The following PCNX1 variants were observed in gnomAD, a reference collection of about 807,000 sequenced individuals.
PCNX1 encodes the protein pecanex-like protein 1.
A neutral mutation model predicts 242.2 loss-of-function variants in PCNX1; 78 were observed. The ratio of observed to expected loss-of-function variants is 0.32; its 90% CI spans 0.27 to 0.39. The LOEUF (loss-of-function observed/expected upper bound fraction) is 0.39, where lower values mean the gene tolerates loss of function less well. Among genes scored for constraint, PCNX1 ranks in the 10% least tolerant of loss-of-function variants. The pLI is 1.00. For missense variants in PCNX1, 2,581 were observed against 2,856.5 expected (o/e 0.90, Z 2.20); for synonymous variants, 1,024 against 1,032.9 (o/e 0.99, Z 0.17).
Position 71,046,967 on chromosome 14 carries a change from C to A in PCNX1, c.4022C>A (p.Ala1341Glu), listed in dbSNP as rs2060878796. Residue 1341 changes from alanine to glutamate, a missense_variant, in exon 21 of 36, where the codon GCA becomes GAA. Physicochemically the swap from Ala to Glu is moderately radical, Grantham distance 107. Around this residue, in one of 9 missense-constraint regions of PCNX1, gnomAD observed 432 missense variants for 443.1 expected, o/e 0.97. Coordinates refer to ENST00000304743, the MANE Select transcript of PCNX1 (RefSeq NM_014982.3). ...LEYNQYEVRN[A>E]ATMMWFEKLH... ...TTGATTTATACTGCCTTGTTAGATGCAGCCACTATGATGTGGTTTGAGAAA... is the reference window on the plus strand; with the variant it reads ...TTGATTTATACTGCCTTGTTAGATGAAGCCACTATGATGTGGTTTGAGAAA... 1.9e-6 allele frequency: 3 copies of A among 1,605,164 alleles called. No individual in the cohort carries two copies. The highest frequency in any genetic ancestry group is 1.7e-6 in the Non-Finnish European group (2 of 1,175,640).
At chr14:71,085,805 G>C in intron 28 of PCNX1, 1 of 365,050 alleles carries the variant, frequency 2.7e-6, no homozygotes, top group South Asian at 2.7e-5. Flanking sequence ...ATCCTTAGGA[G>C]CCACACAGGT....
chr14:71,096,350 G>A (rs1046889017), intron 30 of PCNX1, among the ~76,000 whole-genome samples: 6 of 152,108 alleles, frequency 3.9e-5, no homozygotes, highest in Admixed American at 2.0e-4. Context: ...GCATGGGGGC[G>A]TGTGCCTGTA....
intron 26 of PCNX1, among the ~76,000 whole-genome samples, chr14:71,062,576 TTTTAA>T (rs1406809622): frequency 2.0e-5 from 3 of 152,018 alleles, no homozygotes; most frequent in South Asian, 2.1e-4. Context: ...ACAATATGTG[TTTTAA>T]TTTAAGCGTT....
At chr14:71,040,225 G>C (rs1320970025) in intron 19 of PCNX1, among the ~76,000 whole-genome samples, 1 of 152,086 alleles carries the variant, frequency 6.6e-6, no homozygotes, top group Non-Finnish European at 1.5e-5. Context: ...TTCGCTATTG[G>C]TATTGAAAGA....
chr14:71,088,477 A>G (rs1339896065), intron 29 of PCNX1, 47 bp downstream of exon 29: 6 of 1,091,012 alleles, frequency 5.5e-6, no homozygotes, highest in African/African-American at 3.1e-5. Context: ...GGGAAGCTGT[A>G]TAGCCTAAAT....
At chr14:70,911,097 GTTA>G (rs1246133362) in intron 1 of PCNX1, among the ~76,000 whole-genome samples, 6 of 152,210 alleles carry the variant, frequency 3.9e-5, no homozygotes, top group South Asian at 2.1e-4. Context: ...ACAGCCATAG[GTTA>G]TTATTTGCAT....
At chr14:70,995,083 A>T (rs1296113808) in intron 7 of PCNX1, among the ~76,000 whole-genome samples, 1 of 152,182 alleles carries the variant, frequency 6.6e-6, no homozygotes, top group Non-Finnish European at 1.5e-5. Flanking sequence ...ACGTGGCCTT[A>T]TTTCAGAAAG....
At chr14:71,058,991 C>T (rs761283478) in intron 26 of PCNX1, among the ~76,000 whole-genome samples, 2 of 152,226 alleles carry the variant, frequency 1.3e-5, no homozygotes, top group Non-Finnish European at 2.9e-5. Context: ...ACCACCATTC[C>T]TGCTACTGCT....
At position 70,932,063 on chromosome 14, in the gene PCNX1, G is replaced by A. The variant is rs753247505; in HGVS notation, c.154-14852G>A. On this transcript the variant is annotated intron_variant, in intron 1 of 35. Coordinates refer to ENST00000304743, the MANE Select transcript of PCNX1 (RefSeq NM_014982.3). ...AATCGCTTGAACCTGGGAGGCAGAGGTTGCAGAGAGCCGAGATCGCGCCAT... is the reference window on the plus strand; with the variant it reads ...AATCGCTTGAACCTGGGAGGCAGAGATTGCAGAGAGCCGAGATCGCGCCAT... 2.0e-5 allele frequency among the ~76,000 whole-genome samples: 3 copies of A among 152,334 alleles called. No individual in the cohort carries two copies. The East Asian group carries it at 5.8e-4, about 29-fold the overall frequency.
At chr14:71,092,070 C>G (rs1409103906) in intron 30 of PCNX1, among the ~76,000 whole-genome samples, 1 of 152,174 alleles carries the variant, frequency 6.6e-6, no homozygotes, top group Non-Finnish European at 1.5e-5. Context: ...CCCCACGAAA[C>G]AGAGAAAAGT....
intron 5 of PCNX1, among the ~76,000 whole-genome samples, chr14:70,972,416 A>C (rs2140054997): frequency 6.6e-6 from 1 of 152,364 alleles, no homozygotes; most frequent in South Asian, 2.1e-4. Context: ...AAATAAAAAC[A>C]ACAACAAAAA....
chr14:71,019,761 GT>G (rs558459354), intron 12 of PCNX1, among the ~76,000 whole-genome samples: 1 of 151,290 alleles, frequency 6.6e-6, no homozygotes, highest in Admixed American at 6.6e-5. Context: ...AATAGTAGTA[GT>G]TTTTTTTATT....
chr14:71,071,913 G>C (rs951201958), intron 26 of PCNX1, among the ~76,000 whole-genome samples: 1 of 152,154 alleles, frequency 6.6e-6, no homozygotes, highest in Non-Finnish European at 1.5e-5. Context: ...GGAATGGGAA[G>C]GCCTGAAAAG....
intron 5 of PCNX1, among the ~76,000 whole-genome samples, chr14:70,973,016 C>T (rs900539786): frequency 1.3e-5 from 2 of 152,070 alleles, no homozygotes; most frequent in African/African-American, 4.8e-5. Flanking sequence ...CTTCGAGAGG[C>T]CAAGGTGGGA....
chr14:70,939,574 A>C (rs1018767628), intron 1 of PCNX1, among the ~76,000 whole-genome samples: 3 of 152,204 alleles, frequency 2.0e-5, no homozygotes, highest in African/African-American at 7.2e-5. Context: ...TTTTGGAATA[A>C]GTGCAGTGTG....
intron 15 of PCNX1, among the ~76,000 whole-genome samples, chr14:71,028,423 C>G (rs992873379): frequency 6.6e-6 from 1 of 151,754 alleles, no homozygotes; most frequent in East Asian, 1.9e-4. Flanking sequence ...ATTCTTGAAG[C>G]ATAATATAGA....
At chr14:70,994,396 G>GATATATGTGTGTGTATATATATAT (rs1371763584) in intron 7 of PCNX1, among the ~76,000 whole-genome samples, 6 of 96,972 alleles carry the variant, frequency 6.2e-5, no homozygotes, top group African/African-American at 2.3e-4. Context: ...ACAGGCTTAA[G>GATATATGTGTGTGTATATATATAT]ATATATATAT....
chr14:71,025,425 G>GC (rs760366452), intron 13 of PCNX1, among the ~76,000 whole-genome samples: 8 of 151,358 alleles, frequency 5.3e-5, no homozygotes, highest in Non-Finnish European at 8.8e-5. Context: ...TCTCTATGGA[G>GC]CCCCCCCACC....
chr14:71,074,990 CTTTTTTT>C (rs900279128), intron 27 of PCNX1, among the ~76,000 whole-genome samples: 4 of 101,114 alleles, frequency 4.0e-5, no homozygotes, highest in South Asian at 3.3e-4. Context: ...CTTTTCTTCT[CTTTTTTT>C]TTTTTTTTTT....
Sources: gnomAD v4.1 joint callset for allele counts (sites outside exome capture counted in the v4.1 genomes callset) on GRCh38, gnomAD v4.1.1 for gene constraint, gnomAD v4.1.1 regional missense constraint, MANE v1.5 for transcripts, NCBI Gene and HGNC (gene_info 2026-07-23, HGNC 2026-07-21) for gene names.